Variants in KCNMB2 observed in about 807,000 individuals in gnomAD.
The protein encoded by KCNMB2 is potassium calcium-activated channel subfamily M regulatory beta subunit 2.
In KCNMB2, 9 loss-of-function variants were observed where a neutral mutation model predicts 24.5. That is an observed-to-expected ratio of 0.37 (90% CI 0.22 to 0.64). The LOEUF (loss-of-function observed/expected upper bound fraction) is 0.64, where lower values mean the gene tolerates loss of function less well. KCNMB2 is among the 30% of genes least tolerant of loss of function. The pLI, the probability that KCNMB2 is intolerant of heterozygous loss-of-function variation, is 0.63. For missense variants in KCNMB2, 226 were observed against 284.3 expected, an observed-to-expected ratio of 0.79 and a Z score of 1.47; for synonymous variants, 109 against 104.4, an observed-to-expected ratio of 1.04 and a Z score of -0.27.
At chr3:178,809,800 A>AT (rs1714114677) in intron 2 of KCNMB2, among the ~76,000 whole-genome samples, 2 of 152,292 alleles carry the variant, frequency 1.3e-5, no homozygotes, top group South Asian at 4.1e-4. Flanking sequence ...TACTGTTTTA[A>AT]TTTTTTATTT....
intron 1 of KCNMB2, among the ~76,000 whole-genome samples, chr3:178,692,738 GT>G (rs1393814240): frequency 6.6e-6 from 1 of 151,948 alleles, no homozygotes. Flanking sequence ...CTTTTGTTGT[GT>G]TTTGTTTTAT....
At chr3:178,609,403 T>G (rs1005778530) in intron 1 of KCNMB2, among the ~76,000 whole-genome samples, 6 of 148,952 alleles carry the variant, frequency 4.0e-5, no homozygotes, top group Admixed American at 2.7e-4. Context: ...TTGTCTGAGG[T>G]GTTTTTTTTT....
intron 1 of KCNMB2, among the ~76,000 whole-genome samples, chr3:178,628,880 C>G (rs962633180): frequency 8.5e-5 from 13 of 152,134 alleles, no homozygotes; most frequent in Non-Finnish European, 1.3e-4. Flanking sequence ...TAAGAAAACA[C>G]ATACTTGGTT....
intron 1 of KCNMB2, among the ~76,000 whole-genome samples, chr3:178,618,623 A>G (rs1718800008): frequency 6.6e-6 from 1 of 152,218 alleles, no homozygotes; most frequent in African/African-American, 2.4e-5. Flanking sequence ...GCAAACAGAA[A>G]CCTATTTTTG....
At chr3:178,588,102 T>A (rs139417715) in intron 1 of KCNMB2, among the ~76,000 whole-genome samples, 17 of 152,142 alleles carry the variant, frequency 1.1e-4, no homozygotes, top group African/African-American at 3.6e-4. Context: ...GTAATCTTTT[T>A]ATCAGAGGCT....
intron 1 of KCNMB2, among the ~76,000 whole-genome samples, chr3:178,695,328 G>T (rs1345098606): frequency 6.6e-6 from 1 of 152,240 alleles, no homozygotes; most frequent in Non-Finnish European, 1.5e-5. Context: ...CTGCCATTAA[G>T]GTCTCTGACA....
chr3:178,706,683 C>A (rs1288036831), intron 1 of KCNMB2, among the ~76,000 whole-genome samples: 1 of 152,154 alleles, frequency 6.6e-6, no homozygotes, highest in Non-Finnish European at 1.5e-5. Context: ...GCTCTCTCTG[C>A]ACCCCAGACT....
intron 1 of KCNMB2, among the ~76,000 whole-genome samples, chr3:178,708,110 T>C (rs1221532857): frequency 2.6e-5 from 4 of 152,138 alleles, no homozygotes; most frequent in Non-Finnish European, 5.9e-5. Flanking sequence ...AAGAGAACCA[T>C]AGTTTCAGTG....
At chr3:178,769,351 A>AC (rs1407967125) in intron 1 of KCNMB2, among the ~76,000 whole-genome samples, 1 of 152,156 alleles carries the variant, frequency 6.6e-6, no homozygotes, top group African/African-American at 2.4e-5. Flanking sequence ...CAGTTCTTGC[A>AC]CCAGGACAGG....
chr3:178,578,171 G>A (rs1399868025), intron 1 of KCNMB2, among the ~76,000 whole-genome samples: 1 of 152,194 alleles, frequency 6.6e-6, no homozygotes, highest in African/African-American at 2.4e-5. Flanking sequence ...CAAACTAACA[G>A]CAGATCTCTC....
intron 1 of KCNMB2, among the ~76,000 whole-genome samples, chr3:178,686,043 T>TGAGA (rs1324262972): frequency 6.6e-5 from 10 of 151,818 alleles, no homozygotes; most frequent in African/African-American, 1.5e-4. Flanking sequence ...ATTGTGTGTG[T>TGAGA]GTGAGAGAGA....
intron 1 of KCNMB2, among the ~76,000 whole-genome samples, chr3:178,748,027 G>A (rs1048258023): frequency 6.6e-6 from 1 of 152,172 alleles, no homozygotes; most frequent in Non-Finnish European, 1.5e-5. Flanking sequence ...AAAGTCTGAT[G>A]ACTAACCCAA....
At chr3:178,628,570 T>C (rs1354982570) in intron 1 of KCNMB2, among the ~76,000 whole-genome samples, 2 of 152,256 alleles carry the variant, frequency 1.3e-5, no homozygotes, top group Admixed American at 6.5e-5. Context: ...CAGAAAATGA[T>C]GGGGCTTTTG....
chr3:178,742,518 A>G (rs1723527752), intron 1 of KCNMB2, among the ~76,000 whole-genome samples: 1 of 152,342 alleles, frequency 6.6e-6, no homozygotes, highest in East Asian at 1.9e-4. Context: ...ACTAAAGCCA[A>G]AGTTTAAATA....
intron 1 of KCNMB2, among the ~76,000 whole-genome samples, chr3:178,713,642 T>TAGGTATGGTCTCTGCCACACAGA (rs1439645189): frequency 4.6e-5 from 7 of 152,032 alleles, no homozygotes; most frequent in Non-Finnish European, 8.8e-5. Context: ...CCCACCCCCA[T>TAGGTATGGTCTCTGCCACACAGA]AGGTATGGTC....
intron 1 of KCNMB2, among the ~76,000 whole-genome samples, chr3:178,794,631 G>T (rs56165374): frequency 6.6e-6 from 1 of 152,128 alleles, no homozygotes; most frequent in Non-Finnish European, 1.5e-5. Flanking sequence ...AAAAAATGAC[G>T]ATTATAACCA....
At chr3:178,649,439 T>C (rs150164794) in intron 1 of KCNMB2, among the ~76,000 whole-genome samples, 1 of 152,140 alleles carries the variant, frequency 6.6e-6, no homozygotes, top group Non-Finnish European at 1.5e-5. Context: ...TCTCCCAACA[T>C]CATCTATAGA....
intron 1 of KCNMB2, among the ~76,000 whole-genome samples, chr3:178,592,267 G>C (rs996461686): frequency 6.6e-6 from 1 of 152,086 alleles, no homozygotes; most frequent in African/African-American, 2.4e-5. Context: ...TTCCTGAAAG[G>C]CATAGTTTGA....
intron 1 of KCNMB2, among the ~76,000 whole-genome samples, chr3:178,578,785 A>G (rs894008387): frequency 3.9e-5 from 6 of 152,186 alleles, no homozygotes; most frequent in African/African-American, 9.6e-5. Flanking sequence ...CAAGAGCATT[A>G]CATAAAGGTA....
Sources: gnomAD v4.1 joint callset for allele counts (sites outside exome capture counted in the v4.1 genomes callset) on GRCh38, gnomAD v4.1.1 for gene constraint, MANE v1.5 for transcripts, NCBI Gene and HGNC (gene_info 2026-07-23, HGNC 2026-07-21) for gene names.